The following PDZRN4 variants were observed in gnomAD, a reference collection of about 807,000 sequenced individuals.
PDZRN4 encodes PDZ domain-containing RING finger protein 4.
Under a neutral mutation model 99.0 loss-of-function variants are expected in PDZRN4, and 70 were observed. The observed-to-expected ratio is 0.71, with a 90% CI of 0.58 to 0.86. The LOEUF (loss-of-function observed/expected upper bound fraction) is 0.86, where lower values mean the gene tolerates loss of function less well. Ranked by LOEUF, PDZRN4 falls within the 40% of genes least tolerant of loss-of-function variation. The probability of loss-of-function intolerance (pLI) is 0.00; values close to 1 mark genes in which losing one functional copy is unlikely to be tolerated. For missense variants in PDZRN4, 1,474 were observed against 1,331.2 expected, an observed-to-expected ratio of 1.11 and a Z score of -1.67; for synonymous variants, 551 against 501.6, an observed-to-expected ratio of 1.10 and a Z score of -1.32.
intron 3 of PDZRN4, among the ~76,000 whole-genome samples, chr12:41,372,261 T>C (rs1365187051): frequency 6.6e-6 from 1 of 152,176 alleles, no homozygotes; most frequent in African/African-American, 2.4e-5. Context: ...ATATAAAATG[T>C]GATTATTATG....
At chr12:41,300,943 TGCAGGAAA>T (rs1224025344) in intron 3 of PDZRN4, among the ~76,000 whole-genome samples, 1 of 152,074 alleles carries the variant, frequency 6.6e-6, no homozygotes, top group African/African-American at 2.4e-5. Context: ...TCTGTTTATC[TGCAGGAAA>T]GCAGCCAAGG....
At chr12:41,330,657 A>G (rs936765512) in intron 3 of PDZRN4, among the ~76,000 whole-genome samples, 7 of 152,040 alleles carry the variant, frequency 4.6e-5, no homozygotes, top group African/African-American at 7.2e-5. Flanking sequence ...CTGTTATTAA[A>G]ATAAGAAAAG....
intron 3 of PDZRN4, among the ~76,000 whole-genome samples, chr12:41,271,479 T>C (rs974649651): frequency 2.6e-5 from 4 of 152,162 alleles, no homozygotes; most frequent in South Asian, 4.1e-4. Context: ...TTTTCTCTTA[T>C]TCCAAAACTC....
intron 3 of PDZRN4, among the ~76,000 whole-genome samples, chr12:41,366,735 C>T (rs1285458278): frequency 4.6e-5 from 7 of 152,076 alleles, no homozygotes; most frequent in Non-Finnish European, 1.0e-4. Context: ...ATCCTCTCGG[C>T]ATTTACTACC....
chr12:41,410,377 G>A (rs1028967093), intron 3 of PDZRN4, among the ~76,000 whole-genome samples: 40 of 152,010 alleles, frequency 2.6e-4, no homozygotes, highest in African/African-American at 8.7e-4. Flanking sequence ...TAATTACAAC[G>A]GTAAAGATGA....
intron 3 of PDZRN4, among the ~76,000 whole-genome samples, chr12:41,369,222 A>T (rs375419482): frequency 6.6e-6 from 1 of 152,204 alleles, no homozygotes; most frequent in South Asian, 2.1e-4. Context: ...TATAAACAGC[A>T]TCTCATTTTA....
intron 3 of PDZRN4, among the ~76,000 whole-genome samples, chr12:41,308,043 C>A (rs188918085): frequency 4.6e-5 from 7 of 152,170 alleles, no homozygotes; most frequent in African/African-American, 1.7e-4. Context: ...ATAACCATAG[C>A]CCTTCAATAT....
At chr12:41,483,729 A>G (rs1310746163) in intron 3 of PDZRN4, among the ~76,000 whole-genome samples, 2 of 152,166 alleles carry the variant, frequency 1.3e-5, no homozygotes, top group East Asian at 3.8e-4. Flanking sequence ...ATGGCATCTT[A>G]CTGCTAGTCT....
At chr12:41,496,893 T>G (rs1406877791) in intron 3 of PDZRN4, among the ~76,000 whole-genome samples, 3 of 152,162 alleles carry the variant, frequency 2.0e-5, no homozygotes, top group South Asian at 2.1e-4. Context: ...GTGCGTTTTG[T>G]ACAGAAGCAT....
chr12:41,330,289 A>G (rs1951734241), intron 3 of PDZRN4, among the ~76,000 whole-genome samples: 1 of 152,074 alleles, frequency 6.6e-6, no homozygotes. Flanking sequence ...TAGAAGAAAG[A>G]GTTATCTTGA....
intron 3 of PDZRN4, among the ~76,000 whole-genome samples, chr12:41,428,298 T>G (rs567955123): frequency 1.3e-5 from 2 of 152,184 alleles, no homozygotes; most frequent in African/African-American, 2.4e-5. Context: ...CTGTGTTAAT[T>G]TCCTGTGTTG....
intron 5 of PDZRN4, among the ~76,000 whole-genome samples, chr12:41,550,565 G>C (rs952151890): frequency 6.6e-6 from 1 of 152,056 alleles, no homozygotes; most frequent in Non-Finnish European, 1.5e-5. Context: ...TCATTTCACT[G>C]TTTCCTAGTC....
chr12:41,510,881 G>T (rs1045979753), intron 5 of PDZRN4, among the ~76,000 whole-genome samples: 7 of 152,068 alleles, frequency 4.6e-5, no homozygotes, highest in Non-Finnish European at 8.8e-5. Flanking sequence ...CCAAAATTTA[G>T]AAGGATGTGA....
At chr12:41,348,564 T>C (rs904859439) in intron 3 of PDZRN4, among the ~76,000 whole-genome samples, 3 of 152,058 alleles carry the variant, frequency 2.0e-5, no homozygotes, top group Admixed American at 1.3e-4. Flanking sequence ...ATGTTCTTGA[T>C]GTAGTAGTAA....
intron 3 of PDZRN4, among the ~76,000 whole-genome samples, chr12:41,273,409 C>T (rs748283909): frequency 3.3e-4 from 50 of 151,892 alleles, no homozygotes; most frequent in Non-Finnish European, 5.7e-4. Flanking sequence ...GTTCCCCAGA[C>T]GCTTAAAGAA....
At chr12:41,366,811 A>G (rs1262237085) in intron 3 of PDZRN4, among the ~76,000 whole-genome samples, 1 of 152,176 alleles carries the variant, frequency 6.6e-6, no homozygotes, top group Non-Finnish European at 1.5e-5. Context: ...AATAGAATAT[A>G]TCTTTTTGTA....
chr12:41,444,654 A>G (rs983935561), intron 3 of PDZRN4, among the ~76,000 whole-genome samples: 8 of 152,290 alleles, frequency 5.3e-5, no homozygotes, highest in Admixed American at 5.2e-4. Context: ...CAGATTGTCA[A>G]AAATGAAGTT....
At chr12:41,206,067 C>G (rs959587983) in intron 3 of PDZRN4, among the ~76,000 whole-genome samples, 1 of 151,922 alleles carries the variant, frequency 6.6e-6, no homozygotes, top group Non-Finnish European at 1.5e-5. Flanking sequence ...CACTATATGA[C>G]TCTACCACAA....
In PDZRN4 at chr12:41,194,143, T is replaced by C. The variant is rs1950755448; in HGVS notation, c.798T>C (p.Pro266=). 1 of 1,570,682 alleles carries C rather than the reference T, an allele frequency of 6.4e-7. No individual in the cohort carries two copies. Among genetic ancestry groups the C allele is most frequent in the Non-Finnish European group, 8.7e-7 (1 of 1,153,640 alleles). ...TTTCAAAAATTTTAGAAAATGGACCTGCTGACAGAGCAGATGGCCTGGAGA... is the reference window on the plus strand; with the variant it reads ...TTTCAAAAATTTTAGAAAATGGACCCGCTGACAGAGCAGATGGCCTGGAGA... ...IYVSKILENG[P]ADRADGLEIH... The change falls in exon 3 of 10, where the codon CCT becomes CCC. Residue 266 remains proline, a synonymous_variant. Transcript: ENST00000402685.
Sources: allele counts gnomAD v4.1 joint callset (sites outside exome capture counted in the v4.1 genomes callset), GRCh38; gene constraint gnomAD v4.1.1; transcripts MANE v1.5; gene names NCBI Gene and HGNC (gene_info 2026-07-23, HGNC 2026-07-21).